CPB2: variants seen among roughly 807,000 people sequenced by gnomAD.
CPB2 encodes carboxypeptidase B2.
In CPB2, 54 loss-of-function variants were observed where a neutral mutation model predicts 57.0. That is an observed-to-expected ratio of 0.95 (90% CI 0.76 to 1.19). CPB2 has a LOEUF of 1.19. Among genes scored for constraint, CPB2 ranks in the 50% most tolerant of loss-of-function variants. The pLI, the probability that CPB2 is intolerant of heterozygous loss-of-function variation, is 0.00. For synonymous variants in CPB2, 189 were observed against 178.1 expected, an observed-to-expected ratio of 1.06 and a Z score of -0.49; for missense variants, 426 against 512.0, an observed-to-expected ratio of 0.83 and a Z score of 1.62.
intron 3 of CPB2, among the ~76,000 whole-genome samples, chr13:46,084,017 G>A (rs1409778011): frequency 6.6e-6 from 1 of 152,152 alleles, no homozygotes; most frequent in East Asian, 1.9e-4. Context: ...AGGGACGGAG[G>A]TCATGAGGGG....
chr13:46,066,817 C>A (rs1166466060), intron 7 of CPB2, among the ~76,000 whole-genome samples: 2 of 147,702 alleles, frequency 1.4e-5, no homozygotes, highest in Non-Finnish European at 3.0e-5. Context: ...TGCACTCCAG[C>A]CTGGGCGACA....
At chr13:46,077,386 T>C (rs4942475) in intron 5 of CPB2, among the ~76,000 whole-genome samples, 52,266 of 152,002 alleles carry the variant, frequency 0.34, 9,211 homozygotes, top group African/African-American at 0.39. Context: ...GTCATCTCAT[T>C]CCAGTTAAAA....
intron 1 of CPB2, among the ~76,000 whole-genome samples, chr13:46,102,504 C>T (rs894761831): frequency 1.0e-5 from 1 of 99,616 alleles, no homozygotes; most frequent in Non-Finnish European, 1.9e-5. Flanking sequence ...TAAGAGACTG[C>T]ATGAATAAAA....
intron 6 of CPB2, chr13:46,073,613 T>TTTTTTTTTTTTTTTTTTTTTTTTTG (rs1555309106): frequency 3.9e-6 from 1 of 253,688 alleles, no homozygotes; most frequent in African/African-American, 2.5e-5. Context: ...TACTATTTCT[T>TTTTTTTTTTTTTTTTTTTTTTTTTG]AATCATTTTC....
intron 3 of CPB2, among the ~76,000 whole-genome samples, 199 bp downstream of exon 3, chr13:46,084,020 A>C (rs986678886): frequency 3.3e-5 from 5 of 152,222 alleles, no homozygotes; most frequent in African/African-American, 1.2e-4. Flanking sequence ...GACGGAGGTC[A>C]TGAGGGGTTG....
At chr13:46,095,193 T>C (rs1249159384) in intron 1 of CPB2, among the ~76,000 whole-genome samples, 1 of 152,130 alleles carries the variant, frequency 6.6e-6, no homozygotes, top group East Asian at 1.9e-4. Flanking sequence ...ATAATTGACA[T>C]GAACATACTA....
chr13:46,070,171 A>G (rs2044918471), intron 6 of CPB2, among the ~76,000 whole-genome samples: 2 of 152,248 alleles, frequency 1.3e-5, no homozygotes, highest in South Asian at 4.1e-4. Context: ...TCAGCAATTT[A>G]TTATAAATTA....
intron 1 of CPB2, among the ~76,000 whole-genome samples, chr13:46,103,000 T>A (rs1206434624): frequency 6.6e-6 from 1 of 152,176 alleles, no homozygotes; most frequent in Non-Finnish European, 1.5e-5. Flanking sequence ...AAGCAACAAA[T>A]AGTAACAAAG....
At chr13:46,097,928 T>G (rs1482978127) in intron 1 of CPB2, among the ~76,000 whole-genome samples, 3 of 152,212 alleles carry the variant, frequency 2.0e-5, no homozygotes, top group Non-Finnish European at 4.4e-5. Flanking sequence ...AAGCTGTTGT[T>G]ACTGTCCAGT....
At chr13:46,078,254 CTT>C (rs2045054597) in intron 5 of CPB2, among the ~76,000 whole-genome samples, 1 of 151,984 alleles carries the variant, frequency 6.6e-6, no homozygotes, top group African/African-American at 2.4e-5. Flanking sequence ...AGCTGCACCA[CTT>C]TTTTTAATTT....
chr13:46,102,481 A>G (rs1034536851), intron 1 of CPB2, among the ~76,000 whole-genome samples: 2 of 151,742 alleles, frequency 1.3e-5, no homozygotes, highest in Non-Finnish European at 2.9e-5. Flanking sequence ...AAATGAACCT[A>G]CAAATCAGCC....
At chr13:46,100,142 G>A (rs1394623804) in intron 1 of CPB2, 1 of 151,756 alleles carries the variant, frequency 6.6e-6, no homozygotes, top group East Asian at 1.9e-4. Context: ...AGCAGAGAAA[G>A]AAAGAAAATA....
At chr13:46,079,057 T>C (rs756574633) in intron 4 of CPB2, among the ~76,000 whole-genome samples, 156 bp from the exon 5 acceptor site, 3 of 152,166 alleles carry the variant, frequency 2.0e-5, no homozygotes, top group Non-Finnish European at 4.4e-5. Flanking sequence ...CTTCTGCTGT[T>C]TAGGGAAATT....
intron 1 of CPB2, among the ~76,000 whole-genome samples, chr13:46,093,648 T>C (rs1427697432): frequency 1.3e-5 from 2 of 152,012 alleles, no homozygotes; most frequent in African/African-American, 4.8e-5. Context: ...GAAAAAAAGT[T>C]AGAAAGATAA....
intron 8 of CPB2, among the ~76,000 whole-genome samples, chr13:46,062,369 G>A (rs974915612): frequency 5.9e-5 from 9 of 152,224 alleles, no homozygotes; most frequent in Admixed American, 1.3e-4. Flanking sequence ...TTTTCAGCCC[G>A]GGTTTCTCCA....
intron 9 of CPB2, among the ~76,000 whole-genome samples, chr13:46,056,636 C>T (rs903443598): frequency 6.6e-5 from 10 of 152,146 alleles, no homozygotes; most frequent in African/African-American, 2.4e-4. Flanking sequence ...CAGTCACACC[C>T]CTTCAGAAGC....
intron 5 of CPB2, among the ~76,000 whole-genome samples, chr13:46,076,744 G>T (rs940131134): frequency 2.6e-5 from 4 of 152,014 alleles, no homozygotes; most frequent in Non-Finnish European, 4.4e-5. Flanking sequence ...CAGACACATG[G>T]ACCAATGGAT....
At chr13:46,084,400 C>G in intron 2 of CPB2, 57 bp from the exon 3 acceptor site, 1 of 1,590,674 alleles carries the variant, frequency 6.3e-7, no homozygotes, top group African/African-American at 1.3e-5. Context: ...ACATCATTCT[C>G]ATCTGTAGCT....
At chr13:46,086,756 G>A (rs1481656816) in intron 2 of CPB2, among the ~76,000 whole-genome samples, 1 of 152,230 alleles carries the variant, frequency 6.6e-6, no homozygotes, top group African/African-American at 2.4e-5. Flanking sequence ...CCAGCTGAGG[G>A]GGCCTGCAGG....
Sources: gnomAD v4.1 joint callset for allele counts (sites outside exome capture counted in the v4.1 genomes callset) on GRCh38, gnomAD v4.1.1 for gene constraint, MANE v1.5 for transcripts, NCBI Gene and HGNC (gene_info 2026-07-23, HGNC 2026-07-21) for gene names.